The following CATSPERD variants were observed in gnomAD, a reference collection of about 807,000 sequenced individuals.
CATSPERD encodes catsper channel auxiliary subunit delta, also known as cation channel sperm-associated auxiliary subunit delta.
A neutral mutation model predicts 98.1 loss-of-function variants in CATSPERD; 86 were observed. That is an observed-to-expected ratio of 0.88 (90% CI 0.74 to 1.05). The LOEUF (loss-of-function observed/expected upper bound fraction) is 1.05, where lower values mean the gene tolerates loss of function less well. Ranked by LOEUF, CATSPERD falls within the 50% of genes least tolerant of loss-of-function variation. CATSPERD has a pLI of 0.00. For missense variants in CATSPERD, 995 were observed against 1,005.7 expected, an observed-to-expected ratio of 0.99 and a Z score of 0.14; for synonymous variants, 394 against 390.2, an observed-to-expected ratio of 1.01 and a Z score of -0.12.
intron 21 of CATSPERD, among the ~76,000 whole-genome samples, chr19:5,777,409 C>T (rs2056756927): frequency 1.3e-5 from 2 of 152,166 alleles, no homozygotes; most frequent in African/African-American, 4.8e-5. Context: ...TTCTGTGACA[C>T]CCCTGAACCT....
At chr19:5,727,819 C>A (rs1182871632) in intron 3 of CATSPERD, among the ~76,000 whole-genome samples, 1 of 151,984 alleles carries the variant, frequency 6.6e-6, no homozygotes, top group Non-Finnish European at 1.5e-5. Flanking sequence ...GATGCTTACC[C>A]TCACCCTGAG....
rs938361563 is a variant in CATSPERD, at chr19:5,720,901, C to G, written c.71+93C>G. 3 of 979,458 alleles carry G rather than the reference C, an allele frequency of 3.1e-6. No homozygotes were observed. The African/African-American group carries it at 4.9e-5, about 16-fold the overall frequency. 60.7% of individuals were successfully genotyped at this position (979,458 alleles called of 1,614,324 possible). A position where few individuals can be genotyped will look rare whatever the true frequency, so the allele number is the denominator to read the frequency against. The stretch of plus-strand genomic sequence containing the variant: ...AGCCGAGGCCTGCTCCCCAACCTCA[C>G]TGAGGCTCCCCTTTTACTCTTTTTA... On this transcript the variant is annotated intron_variant, in intron 1 of 21. Coordinates refer to ENST00000381624, the MANE Select transcript of CATSPERD (RefSeq NM_152784.4).
chr19:5,768,406 G>A (rs148465953), intron 18 of CATSPERD, among the ~76,000 whole-genome samples, 164 bp downstream of exon 18: 2,635 of 150,184 alleles, frequency 0.018, 69 homozygotes, highest in African/African-American at 0.062. Context: ...GCGCGATCTC[G>A]GCTCACTGCA....
At chr19:5,774,484 G>A (rs1219679708) in intron 20 of CATSPERD, among the ~76,000 whole-genome samples, 1 of 151,082 alleles carries the variant, frequency 6.6e-6, no homozygotes, top group African/African-American at 2.4e-5. Context: ...CTTGAGGACA[G>A]GAGTTCAAGA....
chr19:5,756,137 CG>C (rs1254616686), intron 13 of CATSPERD, among the ~76,000 whole-genome samples: 3 of 151,732 alleles, frequency 2.0e-5, no homozygotes, highest in Admixed American at 6.6e-5. Context: ...AAAAATTAGC[CG>C]GGTGTGGTGG....
chr19:5,726,768 C>T (rs2055611940), intron 2 of CATSPERD, among the ~76,000 whole-genome samples: 1 of 152,120 alleles, frequency 6.6e-6, no homozygotes, highest in Non-Finnish European at 1.5e-5. Flanking sequence ...GGTCCCAAGC[C>T]CTTCTGCCAG....
intron 7 of CATSPERD, among the ~76,000 whole-genome samples, chr19:5,743,699 T>C (rs1032172932): frequency 8.4e-4 from 122 of 144,516 alleles, no homozygotes; most frequent in African/African-American, 3.1e-3. Context: ...TCTCTCTCTC[T>C]CTCTCTCTGT....
At chr19:5,754,009 C>A in intron 12 of CATSPERD, 123 bp from the exon 13 acceptor site, 1 of 700,680 alleles carries the variant, frequency 1.4e-6, no homozygotes, top group Non-Finnish European at 2.6e-6. Context: ...GTGGGGAAGA[C>A]AGAGGCACAA....
At chr19:5,743,812 C>T (rs531955117) in intron 7 of CATSPERD, among the ~76,000 whole-genome samples, 1 of 151,996 alleles carries the variant, frequency 6.6e-6, no homozygotes, top group African/African-American at 2.4e-5. Flanking sequence ...ATTCCTGTTC[C>T]AAGTCAGCTG....
At chr19:5,723,970 T>C (rs912422834) in intron 1 of CATSPERD, among the ~76,000 whole-genome samples, 11 of 151,928 alleles carry the variant, frequency 7.2e-5, no homozygotes, top group Admixed American at 1.3e-4. Flanking sequence ...ATTTTGTATA[T>C]TTAGTAGAGA....
At chr19:5,733,793 G>A in intron 4 of CATSPERD, 63 bp from the exon 5 acceptor site, 2 of 1,147,940 alleles carry the variant, frequency 1.7e-6, no homozygotes, top group Admixed American at 4.1e-5. Context: ...CTAGAAGTCT[G>A]CGTTTCTGAA....
chr19:5,741,906 G>T, intron 7 of CATSPERD, among the ~76,000 whole-genome samples: 1 of 151,236 alleles, frequency 6.6e-6, no homozygotes, highest in East Asian at 1.9e-4. Flanking sequence ...CGGCTGGCGT[G>T]CCTGTAATCC....
At chr19:5,748,890 G>A (rs917605242) in intron 10 of CATSPERD, among the ~76,000 whole-genome samples, 30 of 150,980 alleles carry the variant, frequency 2.0e-4, no homozygotes, top group Admixed American at 1.6e-3. Flanking sequence ...CACCATGCCC[G>A]GCTCATTTTT....
chr19:5,729,998 G>A (rs2055683257), intron 4 of CATSPERD, 54 bp downstream of exon 4: 3 of 1,035,502 alleles, frequency 2.9e-6, no homozygotes, highest in Admixed American at 2.1e-5. Flanking sequence ...ATATTTGGGG[G>A]AAAATACAGT....
chr19:5,740,109 C>T (rs2055928518), intron 7 of CATSPERD, among the ~76,000 whole-genome samples: 1 of 151,274 alleles, frequency 6.6e-6, no homozygotes, highest in African/African-American at 2.4e-5. Context: ...TGGAGAAACC[C>T]CGTCTCTACT....
chr19:5,729,035 T>C (rs2145688096), intron 3 of CATSPERD, among the ~76,000 whole-genome samples: 1 of 151,658 alleles, frequency 6.6e-6, no homozygotes, highest in South Asian at 2.1e-4. Context: ...TTAAAGGCTA[T>C]TATGAGAAAT....
At chr19:5,768,087 C>A in intron 17 of CATSPERD, 81 bp from the exon 18 acceptor site, 2 of 1,308,352 alleles carry the variant, frequency 1.5e-6, no homozygotes, top group South Asian at 1.2e-5. Flanking sequence ...CCACGCCCAG[C>A]CCCTCCCTTT....
chr19:5,772,786 A>C lies in CATSPERD; in HGVS notation c.1764-2A>C. The C allele has an allele frequency of 6.2e-7, 1 of 1,613,084 alleles. No individual in the cohort carries two copies. ...CAGCCCTGCCCCGTGCCTGTGTCCT[A>C]GGTGGCGAAAAGACAGTTTCCAGGA... On this transcript the variant is annotated splice_acceptor_variant, in intron 19 of 21. Transcript: ENST00000381624. LOFTEE classifies it high-confidence loss of function.
chr19:5,751,701 G>A lies in CATSPERD; in HGVS notation c.1042G>A (p.Gly348Arg). The A allele has an allele frequency of 5.6e-6, 9 of 1,613,708 alleles. No individual in the cohort carries two copies. The highest frequency in any genetic ancestry group is 7.6e-6 in the Non-Finnish European group (9 of 1,179,822). Residue 348 changes from glycine to arginine, a missense_variant, in exon 12 of 22, where the codon GGG becomes AGG. Transcript: ENST00000381624. The stretch of plus-strand genomic sequence containing the variant: ...CGTGGCCCTGATGTTCAGGAGCCCA[G>A]GGACTCTGGAAATACTGACCCCACT... ...EDVALMFRSP[G>R]TLEILTPLRD...
Sources: allele counts gnomAD v4.1 joint callset (sites outside exome capture counted in the v4.1 genomes callset), GRCh38; gene constraint gnomAD v4.1.1; transcripts MANE v1.5; gene names NCBI Gene and HGNC (gene_info 2026-07-23, HGNC 2026-07-21).